The following DTNBP1 variants were observed in gnomAD, a reference collection of about 807,000 sequenced individuals.
DTNBP1 encodes the protein dystrobrevin binding protein 1, also known as dysbindin.
In DTNBP1, 35 loss-of-function variants were observed where a neutral mutation model predicts 42.8. The observed-to-expected ratio is 0.82, with a 90% CI of 0.63 to 1.09. The LOEUF is 1.09. Ranked by LOEUF, DTNBP1 falls within the 50% of genes least tolerant of loss-of-function variation. DTNBP1 has a pLI of 0.00. For synonymous variants in DTNBP1, 171 were observed against 162.2 expected (o/e 1.05, Z -0.41); for missense variants, 457 against 424.2 (o/e 1.08, Z -0.68).
chr6:15,656,731 G>A (rs1393350006), intron 1 of DTNBP1, among the ~76,000 whole-genome samples: 1 of 152,102 alleles, frequency 6.6e-6, no homozygotes, highest in Non-Finnish European at 1.5e-5. Context: ...CTGGGTGACA[G>A]AGTGAGACCC....
At chr6:15,567,715 C>T (rs533740205) in intron 7 of DTNBP1, among the ~76,000 whole-genome samples, 3 of 152,314 alleles carry the variant, frequency 2.0e-5, no homozygotes, top group African/African-American at 7.2e-5. Context: ...TGTAAGCCAA[C>T]CACTTTGGGC....
At chr6:15,613,599 C>CA (rs2113696904) in intron 6 of DTNBP1, among the ~76,000 whole-genome samples, 1 of 152,074 alleles carries the variant, frequency 6.6e-6, no homozygotes, top group South Asian at 2.1e-4. Context: ...ATCTCCTGAC[C>CA]ACATGATCTG....
At chr6:15,609,988 TACTGGGGAA>T (rs1440932748) in intron 6 of DTNBP1, among the ~76,000 whole-genome samples, 1 of 152,182 alleles carries the variant, frequency 6.6e-6, no homozygotes, top group Non-Finnish European at 1.5e-5. Flanking sequence ...TTCTGGGACC[TACTGGGGAA>T]AAGGGCCTAA....
At chr6:15,628,398 CTT>C (rs70996561) in intron 4 of DTNBP1, among the ~76,000 whole-genome samples, 2 of 77,074 alleles carry the variant, frequency 2.6e-5, no homozygotes, top group Admixed American at 1.8e-4. Flanking sequence ...GATTAAGGTT[CTT>C]TTTTTTTTTT....
chr6:15,631,886 G>A (rs1759716704), intron 4 of DTNBP1, among the ~76,000 whole-genome samples: 1 of 152,156 alleles, frequency 6.6e-6, no homozygotes, highest in Admixed American at 6.5e-5. Flanking sequence ...CCAAGTTCTA[G>A]TTGTTTATCA....
chr6:15,523,762 C>T (rs1561930752), intron 9 of DTNBP1: 1 of 1,287,194 alleles, frequency 7.8e-7, no homozygotes, highest in South Asian at 1.2e-5. Flanking sequence ...AGTATTCTGG[C>T]CTTCTCAGGA....
At chr6:15,628,754 A>G (rs1393295349) in intron 4 of DTNBP1, among the ~76,000 whole-genome samples, 1 of 152,192 alleles carries the variant, frequency 6.6e-6, no homozygotes, top group Non-Finnish European at 1.5e-5. Context: ...ACTGATTCTT[A>G]CTAAGTTCCA....
chr6:15,523,981 C>T, intron 9 of DTNBP1: 2 of 1,287,722 alleles, frequency 1.6e-6, no homozygotes, highest in Non-Finnish European at 2.0e-6. Context: ...GCACCAAGCC[C>T]AGGTACAGGT....
intron 6 of DTNBP1, among the ~76,000 whole-genome samples, chr6:15,608,455 C>T (rs976288459): frequency 6.6e-6 from 1 of 152,216 alleles, no homozygotes; most frequent in Non-Finnish European, 1.5e-5. Context: ...ACTTAGAATT[C>T]TCCAGAAGGC....
intron 3 of DTNBP1, among the ~76,000 whole-genome samples, chr6:15,648,311 T>C (rs1760798269): frequency 6.6e-6 from 1 of 152,058 alleles, no homozygotes; most frequent in Admixed American, 6.5e-5. Context: ...AAGCTTTTCC[T>C]GTAAGATCAG....
chr6:15,619,227 A>C (rs1176812745), intron 5 of DTNBP1, among the ~76,000 whole-genome samples: 1 of 152,226 alleles, frequency 6.6e-6, no homozygotes, highest in Non-Finnish European at 1.5e-5. Context: ...GAATGTTCCC[A>C]AAACAAAAAA....
intron 6 of DTNBP1, among the ~76,000 whole-genome samples, chr6:15,613,821 T>C (rs1758567791): frequency 6.7e-6 from 1 of 149,158 alleles, no homozygotes; most frequent in Admixed American, 6.6e-5. Flanking sequence ...AGCTCTTCCA[T>C]TTACAGCCTG....
intron 3 of DTNBP1, among the ~76,000 whole-genome samples, chr6:15,645,435 C>T (rs1760620030): frequency 6.6e-6 from 1 of 151,926 alleles, no homozygotes; most frequent in Admixed American, 6.6e-5. Context: ...TCACCTCATT[C>T]TATGCAACTA....
intron 7 of DTNBP1, among the ~76,000 whole-genome samples, chr6:15,540,225 T>C (rs748821656): frequency 6.6e-6 from 1 of 152,224 alleles, no homozygotes; most frequent in Non-Finnish European, 1.5e-5. Flanking sequence ...GAGGATGTCT[T>C]TTCATTTGTT....
rs1414549515 is a variant in DTNBP1 at position 15,609,073 on chromosome 6, T to C, written c.488+6194A>G. Among the ~76,000 whole-genome samples, 5 of 152,106 alleles carry C rather than the reference T, an allele frequency of 3.3e-5. No homozygotes were observed. The East Asian group carries it at 9.6e-4, about 29-fold the overall frequency. On this transcript the variant is annotated intron_variant, in intron 6 of 9. Transcript: ENST00000344537. ...ACTCAAACATGGGACTTATGAATTATCTTAACATTCTTAGTTTTTCCTCAG... is the reference window on the plus strand; with the variant it reads ...ACTCAAACATGGGACTTATGAATTACCTTAACATTCTTAGTTTTTCCTCAG...
chr6:15,574,418 A>G (rs186299224), intron 7 of DTNBP1, among the ~76,000 whole-genome samples: 18 of 152,358 alleles, frequency 1.2e-4, no homozygotes, highest in African/African-American at 4.3e-4. Flanking sequence ...AGACAGAAGA[A>G]TAAGTGAGGC....
At chr6:15,576,010 T>A (rs894144805) in intron 7 of DTNBP1, among the ~76,000 whole-genome samples, 2 of 152,212 alleles carry the variant, frequency 1.3e-5, no homozygotes, top group Admixed American at 6.5e-5. Context: ...TTGTCTACTA[T>A]GGTAAAGAGC....
intron 7 of DTNBP1, among the ~76,000 whole-genome samples, chr6:15,580,019 T>G (rs1312425903): frequency 6.6e-6 from 1 of 152,176 alleles, no homozygotes. Context: ...ATATTACACT[T>G]CTGTGTGTAA....
intron 7 of DTNBP1, among the ~76,000 whole-genome samples, chr6:15,577,882 T>C (rs939109708): frequency 2.0e-5 from 3 of 152,202 alleles, no homozygotes; most frequent in African/African-American, 7.2e-5. Flanking sequence ...TCCTGAAGTG[T>C]AGTTCTCCAA....
Sources: gnomAD v4.1 joint callset for allele counts (sites outside exome capture counted in the v4.1 genomes callset) on GRCh38, gnomAD v4.1.1 for gene constraint, MANE v1.5 for transcripts, NCBI Gene and HGNC (gene_info 2026-07-23, HGNC 2026-07-21) for gene names.